Variants in TBC1D14 observed in about 807,000 individuals in gnomAD.
The protein encoded by TBC1D14 is TBC1 domain family, member 14.
TBC1D14 carries 26 observed loss-of-function variants against 79.0 expected under a neutral mutation model. That is an observed-to-expected ratio of 0.33 (90% CI 0.24 to 0.46). The LOEUF (loss-of-function observed/expected upper bound fraction) is 0.46. Among genes scored for constraint, TBC1D14 ranks in the 20% least tolerant of loss-of-function variants. The pLI is 1.00. For missense variants in TBC1D14, 769 were observed against 887.6 expected, an observed-to-expected ratio of 0.87 and a Z score of 1.70; for synonymous variants, 394 against 349.9, an observed-to-expected ratio of 1.13 and a Z score of -1.40.
At chr4:6,920,938 G>GCC (rs1215413948) in intron 1 of TBC1D14, among the ~76,000 whole-genome samples, 1 of 152,110 alleles carries the variant, frequency 6.6e-6, no homozygotes, top group African/African-American at 2.4e-5. Context: ...GCCACCACGT[G>GCC]CAGCTAATTT....
intron 3 of TBC1D14, chr4:6,987,639 C>T: frequency 5.5e-6 from 2 of 366,916 alleles, no homozygotes; most frequent in Admixed American, 4.6e-5. Context: ...ACAGCGTGAG[C>T]GAGCACGTCC....
intron 2 of TBC1D14, among the ~76,000 whole-genome samples, chr4:6,959,953 G>A (rs1715025942): frequency 6.6e-6 from 1 of 152,142 alleles, no homozygotes; most frequent in African/African-American, 2.4e-5. Flanking sequence ...TGGCAGAAAT[G>A]CCTAGTTTTG....
In TBC1D14 at chr4:7,027,466, C is replaced by G. The variant is rs188234936; in HGVS notation, c.2016+2204C>G. Among the ~76,000 whole-genome samples, 18 of 142,694 alleles carry G rather than the reference C, an allele frequency of 1.3e-4. No homozygotes were observed. The East Asian group carries it at 3.6e-3, about 29-fold the overall frequency. The allele number at this position is 142,694 out of a possible 152,430, so 93.6% of individuals were successfully genotyped here. ...CACATAGACACGCACAGATCACCCCCACGCACACTCATTGCACACCCACAG... is the reference window on the plus strand; with the variant it reads ...CACATAGACACGCACAGATCACCCCGACGCACACTCATTGCACACCCACAG... On this transcript the variant is annotated intron_variant, in intron 13 of 13. Coordinates refer to ENST00000409757, the MANE Select transcript of TBC1D14 (RefSeq NM_020773.3).
In TBC1D14 at chr4:6,979,200, G is replaced by A. The variant is rs533917404; in HGVS notation, c.843+11776G>A. ...ATCAAGACAGGAAAGAAGACATGGAGGAAGAAAAAAAGAGAAAACAAATGA... is the reference window on the plus strand; with the variant it reads ...ATCAAGACAGGAAAGAAGACATGGAAGAAGAAAAAAAGAGAAAACAAATGA... On this transcript the variant is annotated intron_variant, in intron 3 of 13. Coordinates refer to ENST00000409757, the MANE Select transcript of TBC1D14 (RefSeq NM_020773.3). Among the ~76,000 whole-genome samples, 58 of 152,134 alleles carry A rather than the reference G, an allele frequency of 3.8e-4. 1 individual carries two copies. Among genetic ancestry groups the A allele is most frequent in the African/African-American group, 1.2e-3 (51 of 41,522 alleles).
intron 2 of TBC1D14, among the ~76,000 whole-genome samples, chr4:6,949,441 G>C (rs962868954): frequency 6.6e-6 from 1 of 152,168 alleles, no homozygotes; most frequent in Admixed American, 6.5e-5. Context: ...CCAGCACTTT[G>C]GGAAGCCGAG....
chr4:6,969,016 C>T (rs1006968347), intron 3 of TBC1D14, among the ~76,000 whole-genome samples: 5 of 152,132 alleles, frequency 3.3e-5, no homozygotes, highest in African/African-American at 9.7e-5. Flanking sequence ...TTCTGGGCAA[C>T]AAAGTGGGTT....
chr4:6,981,891 C>T (rs1717405768), intron 3 of TBC1D14, among the ~76,000 whole-genome samples: 1 of 152,198 alleles, frequency 6.6e-6, no homozygotes, highest in Non-Finnish European at 1.5e-5. Flanking sequence ...AGAGCATCTA[C>T]AGGAAACAGC....
rs748661475 is a variant in TBC1D14 at position 7,030,339 on chromosome 4, T to C, written c.2029T>C (p.Leu677=). 4.5e-5 allele frequency: 73 copies of C among 1,613,962 alleles called. No individual in the cohort carries two copies. Among genetic ancestry groups the C allele is most frequent in the South Asian group, 4.3e-4 (39 of 91,078 alleles). ...NKKWAQVLTA[L]QKDSREMEKG... ...CTGTGACTTCTAGGTACTGACTGCA[T>C]TGCAGAAAGACAGCCGGGAAATGGA... Residue 677 remains leucine, a synonymous_variant, in exon 14 of 14, where the codon TTG becomes CTG. Coordinates refer to ENST00000409757, the MANE Select transcript of TBC1D14 (RefSeq NM_020773.3).
At chr4:6,961,501 G>A (rs981274626) in intron 2 of TBC1D14, among the ~76,000 whole-genome samples, 1 of 152,088 alleles carries the variant, frequency 6.6e-6, no homozygotes, top group African/African-American at 2.4e-5. Flanking sequence ...TGGTGGTGGG[G>A]CTGTGTGTGC....
Position 6,957,959 on chromosome 4 carries a change from T to A in TBC1D14, c.723-9345T>A, listed in dbSNP as rs190311470. On this transcript the variant is annotated intron_variant, in intron 2 of 13. Coordinates refer to ENST00000409757, the MANE Select transcript of TBC1D14 (RefSeq NM_020773.3). ...AAAGGAGTGCTGGCTTTTTTTTTTT[T>A]ATGGGCTGTTTTTATCATCCCCTTG... Among the ~76,000 whole-genome samples the A allele has an allele frequency of 7.6e-3, 1,158 of 151,666 alleles. 20 individuals are homozygous for A. Among genetic ancestry groups the A allele is most frequent in the African/African-American group, 0.026 (1,089 of 41,370 alleles).
intron 2 of TBC1D14, among the ~76,000 whole-genome samples, chr4:6,948,463 A>T (rs1447505454): frequency 6.6e-6 from 1 of 151,944 alleles, no homozygotes; most frequent in East Asian, 1.9e-4. Context: ...TGGGTATCCC[A>T]CTCTTTGTTC....
At chr4:6,979,374 C>G (rs1040223450) in intron 3 of TBC1D14, among the ~76,000 whole-genome samples, 1 of 152,126 alleles carries the variant, frequency 6.6e-6, no homozygotes, top group Non-Finnish European at 1.5e-5. Context: ...CACCTGTAAT[C>G]CCAGCACTTT....
chr4:7,007,290 A>T (rs528782375), intron 9 of TBC1D14, among the ~76,000 whole-genome samples: 1 of 152,316 alleles, frequency 6.6e-6, no homozygotes, highest in Admixed American at 6.5e-5. Flanking sequence ...GTGGCAGGAA[A>T]AGCAGAGGGG....
chr4:6,955,539 T>G (rs67750430), intron 2 of TBC1D14, among the ~76,000 whole-genome samples: 21,345 of 152,192 alleles, frequency 0.14, 2,117 homozygotes, highest in African/African-American at 0.28. Context: ...CTCCTGGGCC[T>G]GGCACTCTCC....
At chr4:6,955,386 G>C (rs1032154535) in intron 2 of TBC1D14, among the ~76,000 whole-genome samples, 3 of 152,204 alleles carry the variant, frequency 2.0e-5, no homozygotes, top group Non-Finnish European at 4.4e-5. Flanking sequence ...CTGTCCGTAC[G>C]GTGGCGGCTG....
chr4:6,961,486 G>A (rs1715185955), intron 2 of TBC1D14, among the ~76,000 whole-genome samples: 1 of 152,164 alleles, frequency 6.6e-6, no homozygotes. Context: ...ACGAGGAGCT[G>A]AGCCTGGTGG....
intron 3 of TBC1D14, among the ~76,000 whole-genome samples, chr4:6,981,613 C>G (rs1211342910): frequency 6.6e-6 from 1 of 152,146 alleles, no homozygotes; most frequent in Non-Finnish European, 1.5e-5. Flanking sequence ...TGAAGACACA[C>G]AAAAAATTCT....
intron 6 of TBC1D14, 74 bp downstream of exon 6, chr4:6,999,276 G>C (rs772249958): frequency 7.5e-7 from 1 of 1,329,842 alleles, no homozygotes; most frequent in Admixed American, 1.7e-5. Context: ...AGCTGTAGTC[G>C]TCATAGCCAG....
intron 2 of TBC1D14, among the ~76,000 whole-genome samples, chr4:6,962,412 G>A (rs977159750): frequency 2.6e-5 from 4 of 152,092 alleles, no homozygotes; most frequent in East Asian, 1.9e-4. Flanking sequence ...GTGGGGTTGC[G>A]GCAGCTGCAG....
Sources: gnomAD v4.1 joint callset for allele counts (sites outside exome capture counted in the v4.1 genomes callset) on GRCh38, gnomAD v4.1.1 for gene constraint, MANE v1.5 for transcripts, NCBI Gene and HGNC (gene_info 2026-07-23, HGNC 2026-07-21) for gene names.